Variants in CCDC3 observed in about 807,000 individuals in gnomAD.
CCDC3 encodes coiled-coil domain-containing protein 3.
A neutral mutation model predicts 21.4 loss-of-function variants in CCDC3; 24 were observed. That is an observed-to-expected ratio of 1.12 (90% CI 0.81 to 1.58). The LOEUF (loss-of-function observed/expected upper bound fraction) is 1.58, where lower values mean the gene tolerates loss of function less well. CCDC3 is among the 40% of genes most tolerant of loss of function. The probability of loss-of-function intolerance (pLI) is 0.00; values close to 1 mark genes in which losing one functional copy is unlikely to be tolerated. For missense variants in CCDC3, 425 were observed against 360.9 expected, an observed-to-expected ratio of 1.18 and a Z score of -1.44; for synonymous variants, 186 against 166.0, an observed-to-expected ratio of 1.12 and a Z score of -0.93.
chr10:12,935,171 C>T (rs924986221), intron 2 of CCDC3, among the ~76,000 whole-genome samples: 8 of 152,138 alleles, frequency 5.3e-5, no homozygotes, highest in African/African-American at 1.9e-4. Context: ...AGCCACCATG[C>T]CTGCCTTTGT....
intron 2 of CCDC3, among the ~76,000 whole-genome samples, chr10:12,928,488 C>T (rs757321310): frequency 6.6e-6 from 1 of 152,208 alleles, no homozygotes; most frequent in Non-Finnish European, 1.5e-5. Context: ...AATACCAGCT[C>T]ATGATCAGTG....
intron 2 of CCDC3, among the ~76,000 whole-genome samples, chr10:12,941,624 A>G (rs1003784397): frequency 6.6e-6 from 1 of 152,194 alleles, no homozygotes; most frequent in Admixed American, 6.5e-5. Context: ...AAAGATTAAG[A>G]TGACTGCACC....
Position 12,898,652 on chromosome 10 carries a change from A to G in CCDC3, c.577T>C (p.Leu193=), listed in dbSNP as rs1834047921. 7 of 1,614,042 alleles carry G rather than the reference A, an allele frequency of 4.3e-6. 1 individual carries two copies. The African/African-American group carries it at 6.7e-5, about 15-fold the overall frequency. The change falls in exon 3 of 3, where the codon TTG becomes CTG. Residue 193 remains leucine, a synonymous_variant. Transcript: ENST00000378825. ...RLMCSSVQKA[L]FEEEDHVKKL... is the part of the protein sequence containing the mutation. ...TTGACGTGGTCCTCCTCCTCAAACA[A>G]GGCCTTCTGCACCGAGGAGCACATG...
At chr10:12,943,280 C>T (rs1002388101) in intron 2 of CCDC3, among the ~76,000 whole-genome samples, 1 of 152,114 alleles carries the variant, frequency 6.6e-6, no homozygotes, top group Non-Finnish European at 1.5e-5. Context: ...AAGCACCCCC[C>T]CGCAAACGAC....
chr10:12,966,061 AAG>A (rs1217570220), intron 2 of CCDC3, among the ~76,000 whole-genome samples: 1 of 152,116 alleles, frequency 6.6e-6, no homozygotes, highest in East Asian at 1.9e-4. Flanking sequence ...AGATGTTCCC[AAG>A]GCTGGGCCTC....
chr10:12,943,816 G>T (rs536424707), intron 2 of CCDC3, among the ~76,000 whole-genome samples: 2 of 152,292 alleles, frequency 1.3e-5, no homozygotes, highest in East Asian at 3.9e-4. Flanking sequence ...TCTGCAGGAA[G>T]AGAGTTTTTC....
At chr10:12,948,219 T>G (rs1271253905) in intron 2 of CCDC3, among the ~76,000 whole-genome samples, 1 of 152,168 alleles carries the variant, frequency 6.6e-6, no homozygotes, top group African/African-American at 2.4e-5. Context: ...AGATGTGCCT[T>G]TGCTCTTCCT....
intron 2 of CCDC3, among the ~76,000 whole-genome samples, chr10:12,974,835 ACAGTCTCCC>A (rs1443113446): frequency 6.6e-6 from 1 of 152,214 alleles, no homozygotes; most frequent in Non-Finnish European, 1.5e-5. Context: ...TCATGGCAGC[ACAGTCTCCC>A]CAGTGATATA....
At chr10:12,910,488 G>A (rs1033671393) in intron 2 of CCDC3, among the ~76,000 whole-genome samples, 1 of 149,816 alleles carries the variant, frequency 6.7e-6, no homozygotes, top group Non-Finnish European at 1.5e-5. Context: ...AACAACAGAT[G>A]ACAAGCACAA....
At chr10:13,016,334 G>GAA (rs72075391) in intron 5 of CCDC3, among the ~76,000 whole-genome samples, 56 of 78,354 alleles carry the variant, frequency 7.1e-4, no homozygotes, top group East Asian at 1.9e-3. Context: ...TTGGTAAAGC[G>GAA]AAAAAAAAAA....
At chr10:13,077,869 T>A (rs1405442536) in intron 3 of CCDC3, among the ~76,000 whole-genome samples, 1 of 152,154 alleles carries the variant, frequency 6.6e-6, no homozygotes, top group Admixed American at 6.5e-5. Flanking sequence ...CAAAATGGAT[T>A]AAATACTTAA....
chr10:13,017,846 C>G (rs1350991572), intron 5 of CCDC3, among the ~76,000 whole-genome samples: 2 of 152,042 alleles, frequency 1.3e-5, no homozygotes, highest in Non-Finnish European at 2.9e-5. Context: ...GAAGAAAAAT[C>G]TAGCCTTTGG....
chr10:12,960,406 G>A (rs1396921986), intron 2 of CCDC3, among the ~76,000 whole-genome samples: 2 of 152,146 alleles, frequency 1.3e-5, no homozygotes, highest in Admixed American at 6.5e-5. Flanking sequence ...GAGACAGTCT[G>A]AGTCCTGGTG....
chr10:12,997,570 G>A (rs540925515), intron 2 of CCDC3, among the ~76,000 whole-genome samples: 12 of 152,238 alleles, frequency 7.9e-5, no homozygotes, highest in African/African-American at 1.4e-4. Flanking sequence ...GCACCTCTAT[G>A]TCTTACCAAC....
chr10:12,945,296 G>A (rs1834898147), intron 2 of CCDC3, among the ~76,000 whole-genome samples: 2 of 151,962 alleles, frequency 1.3e-5, no homozygotes, highest in African/African-American at 2.4e-5. Flanking sequence ...TACAAAATAA[G>A]TAAGATGAAT....
intron 5 of CCDC3, among the ~76,000 whole-genome samples, chr10:13,028,351 G>C (rs754334218): frequency 6.6e-6 from 1 of 152,108 alleles, no homozygotes; most frequent in Non-Finnish European, 1.5e-5. Flanking sequence ...CCCCAGCCAC[G>C]TGGGAACTGT....
At chr10:12,965,022 C>T (rs1346143777) in intron 2 of CCDC3, among the ~76,000 whole-genome samples, 1 of 152,146 alleles carries the variant, frequency 6.6e-6, no homozygotes, top group African/African-American at 2.4e-5. Context: ...GTACCCCCAC[C>T]CCTGGGAGTT....
At chr10:13,029,122 C>T (rs1836264839) in intron 5 of CCDC3, among the ~76,000 whole-genome samples, 1 of 152,138 alleles carries the variant, frequency 6.6e-6, no homozygotes, top group Non-Finnish European at 1.5e-5. Context: ...CTGCTGTGTC[C>T]TTTCTGATTC....
chr10:13,077,061 A>C (rs1237199523), intron 3 of CCDC3, among the ~76,000 whole-genome samples: 1 of 152,232 alleles, frequency 6.6e-6, no homozygotes, highest in Non-Finnish European at 1.5e-5. Flanking sequence ...GAAAAGAGGA[A>C]GTCAAATTGT....
Sources: allele counts gnomAD v4.1 joint callset (sites outside exome capture counted in the v4.1 genomes callset), GRCh38; gene constraint gnomAD v4.1.1; transcripts MANE v1.5; gene names NCBI Gene and HGNC (gene_info 2026-07-23, HGNC 2026-07-21).